GABRG2: variants seen among roughly 807,000 people sequenced by gnomAD.
GABRG2 encodes gamma-aminobutyric acid receptor subunit gamma-2.
In GABRG2, 16 loss-of-function variants were observed where a neutral mutation model predicts 56.4. That is an observed-to-expected ratio of 0.28 (90% CI 0.19 to 0.43). The LOEUF is 0.43. Among genes scored for constraint, GABRG2 ranks in the 20% least tolerant of loss-of-function variants. The probability of loss-of-function intolerance (pLI) is 1.00; values close to 1 mark genes in which losing one functional copy is unlikely to be tolerated. For synonymous variants in GABRG2, 208 were observed against 205.5 expected (o/e 1.01, Z -0.10); for missense variants, 327 against 582.7 (o/e 0.56, Z 4.52).
At chr5:162,076,685 T>G (rs1759137895) in intron 1 of GABRG2, among the ~76,000 whole-genome samples, 1 of 152,196 alleles carries the variant, frequency 6.6e-6, no homozygotes, top group South Asian at 2.1e-4. Flanking sequence ...AAACTCAGGT[T>G]GCTACTCTTG....
At chr5:162,125,763 C>T (rs1470527754) in intron 6 of GABRG2, among the ~76,000 whole-genome samples, 1 of 151,580 alleles carries the variant, frequency 6.6e-6, no homozygotes, top group African/African-American at 2.4e-5. Context: ...AAAACTTACA[C>T]AGAGTAAGGA....
At chr5:162,149,547 C>G (rs1019907899) in intron 8 of GABRG2, 4 of 759,752 alleles carry the variant, frequency 5.3e-6, no homozygotes, top group Non-Finnish European at 9.6e-6. Context: ...ATTACCTGCT[C>G]TCTTTATTTT....
chr5:162,152,702 T>C (rs1765459923), intron 9 of GABRG2: 1 of 426,714 alleles, frequency 2.3e-6, no homozygotes, highest in Non-Finnish European at 4.2e-6. Flanking sequence ...GATTTCAGAA[T>C]TGATGCATTT....
intron 6 of GABRG2, among the ~76,000 whole-genome samples, chr5:162,122,293 A>G (rs1763028803): frequency 6.6e-6 from 1 of 151,976 alleles, no homozygotes; most frequent in Non-Finnish European, 1.5e-5. Context: ...CCTATATCCT[A>G]ATAACTATGA....
intron 6 of GABRG2, among the ~76,000 whole-genome samples, chr5:162,138,665 A>G (rs1403265633): frequency 1.3e-5 from 2 of 152,202 alleles, no homozygotes; most frequent in Non-Finnish European, 2.9e-5. Context: ...AGAATAAGAT[A>G]CACTTTATTC....
At chr5:162,086,358 C>G (rs1289326083) in intron 1 of GABRG2, among the ~76,000 whole-genome samples, 1 of 152,016 alleles carries the variant, frequency 6.6e-6, no homozygotes, top group East Asian at 1.9e-4. Flanking sequence ...GAAAACAACA[C>G]CTTTGAAGAC....
intron 5 of GABRG2, 47 bp from the exon 6 acceptor site, chr5:162,103,842 G>C: frequency 6.2e-7 from 1 of 1,607,144 alleles, no homozygotes; most frequent in African/African-American, 1.3e-5. Flanking sequence ...TGCTACATAT[G>C]CTAATTTATA....
chr5:162,152,926 TG>T, intron 9 of GABRG2, 166 bp from the exon 10 acceptor site: 1 of 796,098 alleles, frequency 1.3e-6, no homozygotes. Flanking sequence ...TCTGCAAATG[TG>T]CTATCTTTCT....
intron 1 of GABRG2, among the ~76,000 whole-genome samples, chr5:162,078,755 T>G (rs527376361): frequency 6.6e-6 from 1 of 151,996 alleles, no homozygotes; most frequent in South Asian, 2.1e-4. Flanking sequence ...AGAATTTTCA[T>G]CAGTGTGATG....
chr5:162,081,414 G>A lies in GABRG2; in HGVS notation c.108-12414G>A, dbSNP rs1581313154. 3.3e-5 allele frequency among the ~76,000 whole-genome samples: 5 copies of A among 152,052 alleles called. 1 individual carries two copies. In the South Asian group the frequency reaches 1.0e-3, roughly 32 times the overall value. ...TTAACACATATATTTGTTCTCTTGA[G>A]TACCATAAGCACAGCCCAAATCAGT... On this transcript the variant is annotated intron_variant, in intron 1 of 9. Transcript: ENST00000639213.
intron 6 of GABRG2, among the ~76,000 whole-genome samples, chr5:162,130,697 A>C (rs1763678658): frequency 6.6e-6 from 1 of 151,986 alleles, no homozygotes; most frequent in African/African-American, 2.4e-5. Flanking sequence ...AATTGAAGAG[A>C]TAGTATTCAA....
At chr5:162,147,404 ACC>A (rs987225454) in intron 7 of GABRG2, among the ~76,000 whole-genome samples, 10 of 147,646 alleles carry the variant, frequency 6.8e-5, no homozygotes, top group Admixed American at 6.2e-4. Context: ...TACTCTTGTC[ACC>A]CAGGCCGGAG....
chr5:162,135,264 C>G (rs917924854), intron 6 of GABRG2, among the ~76,000 whole-genome samples: 1 of 152,080 alleles, frequency 6.6e-6, no homozygotes, highest in African/African-American at 2.4e-5. Flanking sequence ...TAACAGCTCA[C>G]TGTGACCTTA....
rs1163817107 is a variant in GABRG2, at chr5:162,154,218, G to T, written c.*850G>T. The T allele has an allele frequency of 6.6e-6, 1 of 152,100 alleles. No individual in the cohort carries two copies. The highest frequency in any genetic ancestry group is 1.5e-5 in the Non-Finnish European group (1 of 68,010). 9.4% of individuals were successfully genotyped at this position (152,100 alleles called of 1,614,324 possible). On this transcript the variant is annotated 3_prime_UTR_variant, in exon 10 of 10. Transcript: ENST00000639213. ...AAATATGCCCAATTTCATAACTAGA[G>T]TATAAAGTAATTGTATGTGCTTGCC...
At position 162,154,742 on chromosome 5, in the gene GABRG2, C is replaced by T. The variant is rs1765598290; in HGVS notation, c.*1374C>T. The T allele has an allele frequency of 6.6e-6, 1 of 151,548 alleles. No individual in the cohort carries two copies. Among genetic ancestry groups the T allele is most frequent in the Non-Finnish European group, 1.5e-5 (1 of 67,926 alleles). The allele number at this position is 151,548 out of a possible 1,614,324, so 9.4% of individuals were successfully genotyped here. ...CACAATTTTGTTTGTGAACTTATAA[C>T]AGGAATAAGCAAAATTCATACCTGA... is the stretch of plus-strand genomic sequence containing the variant. On this transcript the variant is annotated 3_prime_UTR_variant, in exon 10 of 10. Coordinates refer to ENST00000639213, the MANE Select transcript of GABRG2 (RefSeq NM_198904.4).
At chr5:162,098,065 G>A in intron 4 of GABRG2, 1 of 582,520 alleles carries the variant, frequency 1.7e-6, no homozygotes, top group East Asian at 2.9e-5. Flanking sequence ...ACTAATTATA[G>A]GCAAAGCTTA....
At chr5:162,084,348 A>T (rs138838253) in intron 1 of GABRG2, among the ~76,000 whole-genome samples, 1 of 152,020 alleles carries the variant, frequency 6.6e-6, no homozygotes, top group African/African-American at 2.4e-5. Context: ...ATTGAAGATG[A>T]TGCTATTTTG....
chr5:162,093,299 G>C (rs1760748039), intron 1 of GABRG2, among the ~76,000 whole-genome samples: 1 of 152,042 alleles, frequency 6.6e-6, no homozygotes, highest in African/African-American at 2.4e-5. Context: ...ACACACCCTG[G>C]GGGAAGCAAA....
At chr5:162,118,668 T>C (rs1163608154) in intron 6 of GABRG2, among the ~76,000 whole-genome samples, 1 of 152,124 alleles carries the variant, frequency 6.6e-6, no homozygotes, top group Non-Finnish European at 1.5e-5. Flanking sequence ...GAATCATTTC[T>C]CCCAACTCCA....
Sources: gnomAD v4.1 joint callset for allele counts (sites outside exome capture counted in the v4.1 genomes callset) on GRCh38, gnomAD v4.1.1 for gene constraint, MANE v1.5 for transcripts, NCBI Gene and HGNC (gene_info 2026-07-23, HGNC 2026-07-21) for gene names.